PRICKLE1: variants seen among roughly 807,000 people sequenced by gnomAD.
PRICKLE1 encodes the protein prickle planar cell polarity protein 1, also known as prickle-like protein 1.
PRICKLE1 carries 14 observed loss-of-function variants against 70.2 expected under a neutral mutation model. The ratio of observed to expected loss-of-function variants is 0.20; its 90% CI spans 0.13 to 0.31. The LOEUF (loss-of-function observed/expected upper bound fraction) is 0.31, where lower values mean the gene tolerates loss of function less well. PRICKLE1 is among the 10% of genes least tolerant of loss of function. The pLI is 1.00. For synonymous variants in PRICKLE1, 357 were observed against 379.9 expected, an observed-to-expected ratio of 0.94 and a Z score of 0.70; for missense variants, 821 against 1,026.2, an observed-to-expected ratio of 0.80 and a Z score of 2.73.
chr12:42,547,485 G>T (rs1009417529), intron 1 of PRICKLE1, among the ~76,000 whole-genome samples: 3 of 152,138 alleles, frequency 2.0e-5, no homozygotes, highest in African/African-American at 7.2e-5. Flanking sequence ...AACCCAGCAG[G>T]GTCCTGTCCC....
chr12:42,475,734 A>C (rs1304519551), intron 1 of PRICKLE1, among the ~76,000 whole-genome samples: 1 of 152,156 alleles, frequency 6.6e-6, no homozygotes, highest in Admixed American at 6.5e-5. Context: ...CCTTTATATC[A>C]GAGAATACTT....
chr12:42,579,321 A>T lies in PRICKLE1; in HGVS notation c.-49+10144T>A, dbSNP rs1193969370. 2.0e-5 allele frequency among the ~76,000 whole-genome samples: 3 copies of T among 152,170 alleles called. No individual in the cohort carries two copies. The South Asian group carries it at 6.2e-4, about 32-fold the overall frequency. On this transcript the variant is annotated intron_variant, in intron 1 of 7. Transcript: ENST00000345127. ...ACCTGAAGGGACAGAGTGAGCTGTG[A>T]TTTCACATGTCTTTTTTTTAACATT...
chr12:42,567,220 T>C (rs1335170557), intron 1 of PRICKLE1, among the ~76,000 whole-genome samples: 1 of 152,212 alleles, frequency 6.6e-6, no homozygotes, highest in Non-Finnish European at 1.5e-5. Context: ...GAATACATAT[T>C]CTGTGCCAGG....
At chr12:42,564,561 T>C (rs56898852) in intron 1 of PRICKLE1, among the ~76,000 whole-genome samples, 40,316 of 152,112 alleles carry the variant, frequency 0.27, 7,659 homozygotes, top group African/African-American at 0.54. Flanking sequence ...TGAGCTGAGA[T>C]GGTGCCACTG....
intron 1 of PRICKLE1, among the ~76,000 whole-genome samples, chr12:42,477,433 T>C (rs1160532048): frequency 8.8e-6 from 1 of 113,636 alleles, no homozygotes; most frequent in African/African-American, 3.5e-5. Flanking sequence ...TATACATATG[T>C]ATATATGTGT....
At chr12:42,520,205 G>T (rs1052928255) in intron 1 of PRICKLE1, among the ~76,000 whole-genome samples, 3 of 152,210 alleles carry the variant, frequency 2.0e-5, no homozygotes, top group Non-Finnish European at 2.9e-5. Context: ...GTGGATGTGG[G>T]ATAGTTATAT....
At chr12:42,532,430 A>G (rs1939935361) in intron 1 of PRICKLE1, among the ~76,000 whole-genome samples, 1 of 152,240 alleles carries the variant, frequency 6.6e-6, no homozygotes, top group African/African-American at 2.4e-5. Flanking sequence ...CAGAAATAGA[A>G]TATGACTGAC....
intron 1 of PRICKLE1, among the ~76,000 whole-genome samples, chr12:42,529,400 A>T (rs966952077): frequency 1.3e-5 from 2 of 152,200 alleles, no homozygotes; most frequent in East Asian, 1.9e-4. Flanking sequence ...AGTACTTCTA[A>T]CTGCCAGAAT....
chr12:42,498,930 A>G (rs1566102968), intron 1 of PRICKLE1, among the ~76,000 whole-genome samples: 1 of 152,198 alleles, frequency 6.6e-6, no homozygotes, highest in African/African-American at 2.4e-5. Context: ...GGGCTTCCAC[A>G]CTGAGCTCTC....
chr12:42,525,946 AGAG>A (rs1939792250), intron 1 of PRICKLE1, among the ~76,000 whole-genome samples: 1 of 152,218 alleles, frequency 6.6e-6, no homozygotes, highest in Non-Finnish European at 1.5e-5. Context: ...CAAAAGACAA[AGAG>A]GAGATGAATG....
chr12:42,514,887 CTCTATCTATCTATCTATCTATCTATCTA>C (rs150030888), intron 1 of PRICKLE1, among the ~76,000 whole-genome samples: 6 of 139,794 alleles, frequency 4.3e-5, no homozygotes, highest in Non-Finnish European at 9.3e-5. Flanking sequence ...TTAAGGCTCG[CTCTATCTATCTATCTATCTATCTATCTA>C]TCTATCTATC....
intron 1 of PRICKLE1, among the ~76,000 whole-genome samples, chr12:42,575,834 C>G (rs1940796557): frequency 6.6e-6 from 1 of 152,164 alleles, no homozygotes; most frequent in African/African-American, 2.4e-5. Context: ...GGCCAAACTC[C>G]TATTTAGTCA....
intron 1 of PRICKLE1, among the ~76,000 whole-genome samples, chr12:42,505,862 A>G (rs1360460381): frequency 6.6e-6 from 1 of 152,214 alleles, no homozygotes; most frequent in African/African-American, 2.4e-5. Context: ...ATTTTGACTC[A>G]GTAACTCTGA....
intron 1 of PRICKLE1, among the ~76,000 whole-genome samples, chr12:42,528,091 A>G (rs995844696): frequency 2.0e-5 from 3 of 151,878 alleles, no homozygotes; most frequent in Non-Finnish European, 4.4e-5. Context: ...TATTTAACTT[A>G]CTTATTTGAG....
intron 1 of PRICKLE1, among the ~76,000 whole-genome samples, chr12:42,534,479 C>G (rs1669942): frequency 0.13 from 19,681 of 152,162 alleles, 2,335 homozygotes; most frequent in African/African-American, 0.32. Context: ...TTATTATTAT[C>G]ATTAACAACA....
At chr12:42,502,538 T>C (rs75258778) in intron 1 of PRICKLE1, among the ~76,000 whole-genome samples, 3,327 of 152,132 alleles carry the variant, frequency 0.022, 111 homozygotes, top group African/African-American at 0.076. Flanking sequence ...CTTGAACTTG[T>C]AGGCTCAAGC....
At chr12:42,504,162 C>G (rs934471296) in intron 1 of PRICKLE1, among the ~76,000 whole-genome samples, 1 of 151,990 alleles carries the variant, frequency 6.6e-6, no homozygotes, top group African/African-American at 2.4e-5. Context: ...CGTGAGGACC[C>G]GTAACAAGCA....
chr12:42,528,169 C>T (rs772501157), intron 1 of PRICKLE1, among the ~76,000 whole-genome samples: 1 of 151,894 alleles, frequency 6.6e-6, no homozygotes, highest in Admixed American at 6.6e-5. Context: ...CAACCTCTGC[C>T]TCCCGGGCTC....
rs749854195 is a variant in PRICKLE1, at chr12:42,460,472, C to G, written c.1833G>C (p.Glu611Asp). ...TGAGCACTGGCAGATGTACTGGCTTCTCTTCAGGCAGGATTTTCTCTGGAC... is the reference window on the plus strand; with the variant it reads ...TGAGCACTGGCAGATGTACTGGCTTGTCTTCAGGCAGGATTTTCTCTGGAC... The part of the protein sequence containing the change: ...ELCPEKILPE[E>D]KPVHLPVLRR... The change falls in exon 8 of 8, where the codon GAG (glutamate) becomes GAC (aspartate). Residue 611 changes from glutamate (E) to aspartate (D), a missense_variant. Physicochemically the swap from Glu to Asp is conservative, Grantham distance 45. Transcript: ENST00000345127. 3.7e-6 allele frequency: 6 copies of G among 1,613,766 alleles called. No homozygotes were observed. The East Asian group carries it at 6.7e-5, about 18-fold the overall frequency.
Sources: gnomAD v4.1 joint callset for allele counts (sites outside exome capture counted in the v4.1 genomes callset) on GRCh38, gnomAD v4.1.1 for gene constraint, MANE v1.5 for transcripts, NCBI Gene and HGNC (gene_info 2026-07-23, HGNC 2026-07-21) for gene names.